IRAK4: variants seen among roughly 807,000 people sequenced by gnomAD.
The protein encoded by IRAK4 is interleukin-1 receptor-associated kinase 4.
Under a neutral mutation model 51.8 loss-of-function variants are expected in IRAK4, and 44 were observed. That is an observed-to-expected ratio of 0.85 (90% CI 0.67 to 1.09). The LOEUF (loss-of-function observed/expected upper bound fraction) is 1.09. IRAK4 is among the 50% of genes least tolerant of loss of function. The pLI is 0.00. For synonymous variants in IRAK4, 149 were observed against 174.1 expected (o/e 0.86, Z 1.13); for missense variants, 487 against 538.0 (o/e 0.91, Z 0.94).
Position 43,778,315 on chromosome 12 carries a change from G to A in IRAK4, c.941+13G>A. On this transcript the variant is annotated intron_variant, in intron 8 of 11. Coordinates refer to ENST00000613694, the MANE Select transcript of IRAK4 (RefSeq NM_016123.4). The stretch of plus-strand genomic sequence containing the variant: ...GAGATATTAAAAGGTAAATGCTACT[G>A]TTTAAAAGTTTTTGGAAAGCTGTCT... The A allele has an allele frequency of 7.1e-7, 1 of 1,409,402 alleles. No individual in the cohort carries two copies. The highest frequency in any genetic ancestry group is 1.0e-6 in the Non-Finnish European group (1 of 993,720). The allele number at this position is 1,409,402 out of a possible 1,614,324, so 87.3% of individuals were successfully genotyped here.
rs1163230363 is a variant in IRAK4, at chr12:43,768,149, G to A, written c.38G>A (p.Cys13Tyr). The change falls in exon 2 of 12, where the codon TGC becomes TAC. Residue 13 changes from cysteine to tyrosine, a missense_variant. Coordinates refer to ENST00000613694, the MANE Select transcript of IRAK4 (RefSeq NM_016123.4). ...ATAACACCATCAACATATGTGCGCT[G>A]CCTCAATGTTGGACTAATTAGGAAG... is the stretch of plus-strand genomic sequence containing the variant. ...KPITPSTYVR[C>Y]LNVGLIRKLS... is the part of the protein sequence containing the mutation. 6.2e-7 allele frequency: 1 copy of A among 1,613,690 alleles called. No individual in the cohort carries two copies. Among genetic ancestry groups the A allele is most frequent in the Non-Finnish European group, 8.5e-7 (1 of 1,179,760 alleles).
chr12:43,781,285 G>A (rs1422679658), intron 8 of IRAK4, among the ~76,000 whole-genome samples: 1 of 152,112 alleles, frequency 6.6e-6, no homozygotes, highest in African/African-American at 2.4e-5. Context: ...CCTAAATCCA[G>A]CCTATCAGTT....
intron 1 of IRAK4, among the ~76,000 whole-genome samples, chr12:43,759,783 G>A (rs889570027): frequency 1.1e-4 from 17 of 150,648 alleles, no homozygotes; most frequent in African/African-American, 3.2e-4. Flanking sequence ...CAGGAGAATC[G>A]CTTGAACCCA....
At chr12:43,765,630 CAA>C (rs545650660) in intron 1 of IRAK4, among the ~76,000 whole-genome samples, 1 of 140,406 alleles carries the variant, frequency 7.1e-6, no homozygotes, top group Non-Finnish European at 1.6e-5. Context: ...ATACATTTTG[CAA>C]AAAAAAAAAA....
chr12:43,786,260 TTAA>T, intron 10 of IRAK4, 136 bp from the exon 11 acceptor site: 1 of 529,780 alleles, frequency 1.9e-6, no homozygotes, highest in Non-Finnish European at 2.8e-6. Flanking sequence ...TCTTCAATTC[TTAA>T]TAAGGTTTTA....
rs4251555 is a variant in IRAK4, at chr12:43,788,509, T to C, written c.*1794T>C. On this transcript the variant is annotated 3_prime_UTR_variant, in exon 12 of 12. Coordinates refer to ENST00000613694, the MANE Select transcript of IRAK4 (RefSeq NM_016123.4). ...CCCCTTGCACCAGTGTGCCAGGATGTGGGACATGGAATCAAGGAATATGTT... is the reference window on the plus strand; with the variant it reads ...CCCCTTGCACCAGTGTGCCAGGATGCGGGACATGGAATCAAGGAATATGTT... The C allele has an allele frequency of 0.23, 34,939 of 150,892 alleles. 6,437 individuals carry two copies. The highest frequency in any genetic ancestry group is 0.52 in the African/African-American group (21,172 of 40,980). The allele number at this position is 150,892 out of a possible 1,614,324, so 9.3% of individuals were successfully genotyped here.
chr12:43,780,932 G>A (rs1173909564), intron 8 of IRAK4, among the ~76,000 whole-genome samples: 1 of 152,162 alleles, frequency 6.6e-6, no homozygotes, highest in African/African-American at 2.4e-5. Context: ...ATATGTGAGT[G>A]TCTTTTGAAT....
At chr12:43,762,854 A>C (rs1939711000) in intron 1 of IRAK4, among the ~76,000 whole-genome samples, 1 of 152,222 alleles carries the variant, frequency 6.6e-6, no homozygotes, top group Non-Finnish European at 1.5e-5. Flanking sequence ...TTTCACAGAA[A>C]AAATAACAGT....
At position 43,786,390 on chromosome 12, in the gene IRAK4, A is replaced by T. The variant is rs1157651027; in HGVS notation, c.1189-9A>T. 1 of 1,541,250 alleles carries T rather than the reference A, an allele frequency of 6.5e-7. No individual in the cohort carries two copies. The highest frequency in any genetic ancestry group is 1.2e-5 in the South Asian group (1 of 83,368). ...TGAAGCTCTTAAAGTTTTAACACTC[A>T]TTTTAAAGCTAGATATTAAAGAAGA... is the stretch of plus-strand genomic sequence containing the variant. On this transcript the variant is annotated splice_polypyrimidine_tract_variant and intron_variant, in intron 10 of 11. Transcript: ENST00000613694.
chr12:43,782,286 C>T, intron 8 of IRAK4, 21 bp from the exon 9 acceptor site: 2 of 1,588,884 alleles, frequency 1.3e-6, no homozygotes, highest in Non-Finnish European at 1.7e-6. Flanking sequence ...TTTTTTTCTT[C>T]AAACTTTACA....
intron 3 of IRAK4, among the ~76,000 whole-genome samples, chr12:43,771,959 T>TG: frequency 6.6e-6 from 1 of 152,330 alleles, no homozygotes; most frequent in East Asian, 1.9e-4. Flanking sequence ...CTGATATAGG[T>TG]GGCTCATGGA....
In IRAK4 at chr12:43,789,296, TAA is replaced by T. The variant is rs1942409992; in HGVS notation, c.*2584_*2585del. 2 of 152,152 alleles carry T rather than the reference TAA, an allele frequency of 1.3e-5. No homozygotes were observed. The highest frequency in any genetic ancestry group is 6.5e-5 in the Admixed American group (1 of 15,268). The allele number at this position is 152,152 out of a possible 1,614,324, so 9.4% of individuals were successfully genotyped here. A position where few individuals can be genotyped will look rare whatever the true frequency, so the allele number is the denominator to read the frequency against. On this transcript the variant is annotated 3_prime_UTR_variant, in exon 12 of 12. Transcript: ENST00000613694. ...TCAGTTCGTGTGAGATCTGGTGGCT[TAA>T]AAGAGTCTGCTCCCCCTTTGCCTTC...
At chr12:43,783,521 C>T in intron 9 of IRAK4, 141 bp from the exon 10 acceptor site, 1 of 618,650 alleles carries the variant, frequency 1.6e-6, no homozygotes, top group East Asian at 2.8e-5. Context: ...CAGGGTCTCA[C>T]TGTTGCCCAG....
chr12:43,772,334 A>T lies in IRAK4; in HGVS notation c.462A>T (p.Glu154Asp), dbSNP rs751549092. The T allele has an allele frequency of 2.5e-6, 4 of 1,613,294 alleles. No homozygotes were observed. Among genetic ancestry groups the T allele is most frequent in the Admixed American group, 1.7e-5 (1 of 60,002 alleles). ...SYMPPDSSSP[E>D]NKSLEVSDTR... ...TGCCACCTGACTCCTCAAGTCCAGA[A>T]AATAAAAGTTTAGAAGTTAGTGATA... Residue 154 changes from glutamate (E) to aspartate (D), a missense_variant, in exon 4 of 12, where the codon GAA (glutamate) becomes GAT (aspartate). Coordinates refer to ENST00000613694, the MANE Select transcript of IRAK4 (RefSeq NM_016123.4).
chr12:43,782,060 A>G (rs1941820212), intron 8 of IRAK4, among the ~76,000 whole-genome samples: 1 of 130,020 alleles, frequency 7.7e-6, no homozygotes, highest in Admixed American at 7.6e-5. Context: ...TGTTTTCCTC[A>G]AGAAACATAA....
chr12:43,784,238 A>G (rs1942024068), intron 10 of IRAK4, among the ~76,000 whole-genome samples: 1 of 152,180 alleles, frequency 6.6e-6, no homozygotes, highest in African/African-American at 2.4e-5. Flanking sequence ...TTGCTCTCAC[A>G]CCACAACAAC....
intron 2 of IRAK4, 59 bp from the exon 3 acceptor site, chr12:43,771,161 C>T: frequency 7.2e-7 from 1 of 1,383,332 alleles, no homozygotes; most frequent in South Asian, 1.2e-5. Flanking sequence ...TCTATTATTG[C>T]AGCACAAAAT....
At chr12:43,767,640 T>A (rs1375016465) in intron 1 of IRAK4, among the ~76,000 whole-genome samples, 2 of 152,128 alleles carry the variant, frequency 1.3e-5, no homozygotes, top group African/African-American at 2.4e-5. Context: ...AGTACGTTTT[T>A]TTTTTTTACT....
chr12:43,768,542 C>G (rs1940417093), intron 2 of IRAK4: 1 of 303,666 alleles, frequency 3.3e-6, no homozygotes, highest in Admixed American at 4.7e-5. Context: ...CCCTGTTTGG[C>G]AAGCCAAGTG....
Sources: allele counts gnomAD v4.1 joint callset (sites outside exome capture counted in the v4.1 genomes callset), GRCh38; gene constraint gnomAD v4.1.1; transcripts MANE v1.5; gene names NCBI Gene and HGNC (gene_info 2026-07-23, HGNC 2026-07-21).